The following FGGY variants were observed in gnomAD, a reference collection of about 807,000 sequenced individuals.
FGGY encodes the protein FGGY carbohydrate kinase domain-containing protein.
FGGY carries 72 observed loss-of-function variants against 71.3 expected under a neutral mutation model. That is an observed-to-expected ratio of 1.01 (90% CI 0.84 to 1.23). The LOEUF is 1.23. FGGY is among the 50% of genes most tolerant of loss of function. The probability of loss-of-function intolerance (pLI) is 0.00; values close to 1 mark genes in which losing one functional copy is unlikely to be tolerated. For missense variants in FGGY, 668 were observed against 682.3 expected (o/e 0.98, Z 0.23); for synonymous variants, 251 against 250.3 (o/e 1.00, Z -0.02).
chr1:59,655,696 G>A (rs2097211838), intron 11 of FGGY, among the ~76,000 whole-genome samples: 2 of 152,194 alleles, frequency 1.3e-5, no homozygotes, highest in African/African-American at 4.8e-5. Context: ...TTGCACAGTT[G>A]GCACCATAAG....
At chr1:59,306,113 G>C (rs1342689521) in intron 1 of FGGY, among the ~76,000 whole-genome samples, 1 of 152,166 alleles carries the variant, frequency 6.6e-6, no homozygotes. Flanking sequence ...CCAATGTCAT[G>C]AGAATCTTTG....
rs967086156 is a variant in FGGY, at chr1:59,584,780, C to T, written c.904-23023C>T. ...GTATATCTAGAAAACCCCATCATCT[C>T]AGCCCAAAATCTCCTTAAGCTGATA... On this transcript the variant is annotated intron_variant, in intron 8 of 15. Coordinates refer to ENST00000303721, the MANE Select transcript of FGGY (RefSeq NM_018291.5). 1.2e-4 allele frequency among the ~76,000 whole-genome samples: 18 copies of T among 150,020 alleles called. 1 individual carries two copies. The highest frequency in any genetic ancestry group is 4.5e-4 in the African/African-American group (18 of 39,682).
intron 8 of FGGY, among the ~76,000 whole-genome samples, chr1:59,564,226 AAAAAG>A (rs1321001546): frequency 3.3e-5 from 5 of 152,336 alleles, no homozygotes; most frequent in African/African-American, 1.2e-4. Flanking sequence ...TGCACAGTCA[AAAAAG>A]CTGTCATCAG....
At chr1:59,451,834 T>C (rs1240453686) in intron 5 of FGGY, among the ~76,000 whole-genome samples, 1 of 152,182 alleles carries the variant, frequency 6.6e-6, no homozygotes, top group Non-Finnish European at 1.5e-5. Context: ...TAGTGTCTTC[T>C]ACATTCCAGA....
chr1:59,473,574 C>T (rs1021592770), intron 6 of FGGY, among the ~76,000 whole-genome samples: 4 of 152,144 alleles, frequency 2.6e-5, no homozygotes, highest in African/African-American at 7.2e-5. Context: ...TGGAAGAGTG[C>T]AGAGTGTGTG....
intron 3 of FGGY, among the ~76,000 whole-genome samples, chr1:59,343,212 T>C (rs1285168147): frequency 6.6e-6 from 1 of 152,206 alleles, no homozygotes; most frequent in Non-Finnish European, 1.5e-5. Flanking sequence ...TCTGTGAACA[T>C]AAACATGTAT....
chr1:59,449,485 AT>A (rs1412692537), intron 5 of FGGY, among the ~76,000 whole-genome samples: 2 of 151,948 alleles, frequency 1.3e-5, no homozygotes, highest in African/African-American at 4.8e-5. Context: ...GGGTTTCACC[AT>A]GTTGGTCAGG....
chr1:59,369,731 T>C (rs186807306), intron 4 of FGGY, among the ~76,000 whole-genome samples: 251 of 152,088 alleles, frequency 1.7e-3, no homozygotes, highest in Non-Finnish European at 2.6e-3. Context: ...AGAAGAATGA[T>C]CAGACAGCAG....
At chr1:59,675,885 G>A (rs1054078467) in intron 14 of FGGY, among the ~76,000 whole-genome samples, 13 of 152,130 alleles carry the variant, frequency 8.5e-5, no homozygotes, top group African/African-American at 3.1e-4. Context: ...GAGCTAATTA[G>A]GGTTAGATGA....
At chr1:59,615,621 G>C (rs1300572859) in intron 9 of FGGY, among the ~76,000 whole-genome samples, 5 of 152,080 alleles carry the variant, frequency 3.3e-5, no homozygotes, top group Admixed American at 3.3e-4. Context: ...AAAAGCAACG[G>C]CAACAAAAGC....
At chr1:59,517,934 G>A (rs937878683) in intron 7 of FGGY, among the ~76,000 whole-genome samples, 6 of 152,164 alleles carry the variant, frequency 3.9e-5, no homozygotes, top group African/African-American at 1.2e-4. Flanking sequence ...GCAAAAGTTT[G>A]GGTTCTTCTA....
At position 59,363,519 on chromosome 1, in the gene FGGY, G is replaced by A. The variant is rs148940825; in HGVS notation, c.466-15230G>A. Reference sequence around the variant, plus strand: ...GAGGAAATTGAGATGAAGAGTAGTTGAGTAGATTGCTCAAGGCCACATAGC... The same window carrying A: ...GAGGAAATTGAGATGAAGAGTAGTTAAGTAGATTGCTCAAGGCCACATAGC... On this transcript the variant is annotated intron_variant, in intron 4 of 15. Coordinates refer to ENST00000303721, the MANE Select transcript of FGGY (RefSeq NM_018291.5). Among the ~76,000 whole-genome samples, 522 of 152,300 alleles carry A rather than the reference G, an allele frequency of 3.4e-3. 4 individuals are homozygous for A. The highest frequency in any genetic ancestry group is 0.012 in the African/African-American group (509 of 41,564).
chr1:59,625,886 C>A, intron 9 of FGGY, 102 bp from the exon 10 acceptor site: 1 of 848,968 alleles, frequency 1.2e-6, no homozygotes, highest in Non-Finnish European at 1.7e-6. Context: ...CCCGTATGGA[C>A]AAAGAGTTGA....
chr1:59,367,790 T>C (rs955036239), intron 4 of FGGY, among the ~76,000 whole-genome samples: 2 of 152,182 alleles, frequency 1.3e-5, no homozygotes, highest in African/African-American at 4.8e-5. Flanking sequence ...GCTGCAGCCT[T>C]GAATCTTGGA....
intron 6 of FGGY, among the ~76,000 whole-genome samples, chr1:59,467,061 T>C (rs1340621672): frequency 1.3e-5 from 2 of 152,170 alleles, no homozygotes; most frequent in African/African-American, 2.4e-5. Context: ...CGTATTTTTA[T>C]TGGGGCACTA....
chr1:59,545,497 G>A (rs2095506802), intron 7 of FGGY, among the ~76,000 whole-genome samples: 1 of 152,176 alleles, frequency 6.6e-6, no homozygotes, highest in Non-Finnish European at 1.5e-5. Context: ...AGATGATAAT[G>A]TCCAAGTAAT....
chr1:59,674,449 A>G (rs1415823651), intron 14 of FGGY, among the ~76,000 whole-genome samples: 3 of 152,196 alleles, frequency 2.0e-5, no homozygotes, highest in Non-Finnish European at 2.9e-5. Context: ...GTAAGGCTCA[A>G]AACTTCAGTG....
chr1:59,621,163 C>A (rs762234370), intron 9 of FGGY, among the ~76,000 whole-genome samples: 16 of 151,920 alleles, frequency 1.1e-4, no homozygotes, highest in Non-Finnish European at 2.4e-4. Context: ...CCAGTTATAT[C>A]AGATTAAGGC....
At chr1:59,518,473 A>G (rs1003628681) in intron 7 of FGGY, among the ~76,000 whole-genome samples, 3 of 152,232 alleles carry the variant, frequency 2.0e-5, no homozygotes, top group Non-Finnish European at 4.4e-5. Context: ...ATGAAGCATG[A>G]TATGGTTTGG....
Sources: gnomAD v4.1 joint callset for allele counts (sites outside exome capture counted in the v4.1 genomes callset) on GRCh38, gnomAD v4.1.1 for gene constraint, MANE v1.5 for transcripts, NCBI Gene and HGNC (gene_info 2026-07-23, HGNC 2026-07-21) for gene names.